The following PRKCQ variants were observed in gnomAD, a reference collection of about 807,000 sequenced individuals.
PRKCQ encodes the protein protein kinase C theta.
PRKCQ carries 41 observed loss-of-function variants against 91.2 expected under a neutral mutation model. That is an observed-to-expected ratio of 0.45 (90% CI 0.35 to 0.58). The LOEUF (loss-of-function observed/expected upper bound fraction) is 0.58. PRKCQ is among the 20% of genes least tolerant of loss of function. The pLI is 0.00. For missense variants in PRKCQ, 673 were observed against 896.5 expected, an observed-to-expected ratio of 0.75 and a Z score of 3.18; for synonymous variants, 307 against 316.9, an observed-to-expected ratio of 0.97 and a Z score of 0.33.
At chr10:6,438,960 G>A (rs1236272478) in intron 16 of PRKCQ, among the ~76,000 whole-genome samples, 31 of 152,252 alleles carry the variant, frequency 2.0e-4, no homozygotes, top group Admixed American at 2.0e-3. Context: ...TGCTGGGACA[G>A]CTCAGTATAT....
At chr10:6,443,522 G>C (rs1223876679) in intron 15 of PRKCQ, among the ~76,000 whole-genome samples, 5 of 152,198 alleles carry the variant, frequency 3.3e-5, no homozygotes, top group African/African-American at 9.7e-5. Context: ...GATGAACCTG[G>C]AAAACATGAT....
the PRKCQ span, among the ~76,000 whole-genome samples, chr10:6,401,370 A>T: frequency 6.6e-6 from 1 of 152,142 alleles, no homozygotes; most frequent in Non-Finnish European, 1.5e-5. Context: ...ATACTTCATC[A>T]TATTTTCTGT....
the PRKCQ span, among the ~76,000 whole-genome samples, chr10:6,395,265 C>T: frequency 3.3e-5 from 5 of 152,004 alleles, no homozygotes; most frequent in South Asian, 2.1e-4. Flanking sequence ...GGGTTTTCAC[C>T]GTGTTAGCCA....
chr10:6,541,104 C>A (rs1839760044), intron 1 of PRKCQ, among the ~76,000 whole-genome samples: 1 of 152,094 alleles, frequency 6.6e-6, no homozygotes, highest in Non-Finnish European at 1.5e-5. Flanking sequence ...AAATGCAGAC[C>A]ATGAATGAAC....
At chr10:6,533,512 C>A (rs11817744) in intron 1 of PRKCQ, among the ~76,000 whole-genome samples, 5,013 of 152,190 alleles carry the variant, frequency 0.033, 239 homozygotes, top group East Asian at 0.11. Flanking sequence ...TCACTCCTGA[C>A]GCTGTACATT....
intron 1 of PRKCQ, among the ~76,000 whole-genome samples, chr10:6,577,893 T>C (rs1564403734): frequency 6.6e-6 from 1 of 152,220 alleles, no homozygotes; most frequent in Non-Finnish European, 1.5e-5. Context: ...ATCCCCGAAG[T>C]TACATACTTG....
chr10:6,442,304 T>G (rs1292407927), intron 15 of PRKCQ, among the ~76,000 whole-genome samples: 1 of 152,222 alleles, frequency 6.6e-6, no homozygotes, highest in African/African-American at 2.4e-5. Context: ...TCAGTTTCAA[T>G]TTGTACTTTT....
intron 4 of PRKCQ, among the ~76,000 whole-genome samples, chr10:6,503,090 T>C (rs1838006675): frequency 6.6e-6 from 1 of 152,178 alleles, no homozygotes; most frequent in East Asian, 1.9e-4. Context: ...AGACTATCCA[T>C]GGCAAAGGGG....
intron 13 of PRKCQ, among the ~76,000 whole-genome samples, 189 bp downstream of exon 13, chr10:6,464,124 G>A (rs1460605433): frequency 6.6e-6 from 1 of 152,172 alleles, no homozygotes; most frequent in Admixed American, 6.5e-5. Flanking sequence ...TTAAATCACA[G>A]AGAAATGAAA....
At chr10:6,485,907 G>T in intron 9 of PRKCQ, 128 bp downstream of exon 9, 1 of 737,490 alleles carries the variant, frequency 1.4e-6, no homozygotes, top group Non-Finnish European at 2.3e-6. Flanking sequence ...AAAGCCAAGG[G>T]CAAGGCCGGT....
intron 12 of PRKCQ, among the ~76,000 whole-genome samples, chr10:6,468,638 C>T (rs1290605728): frequency 2.0e-5 from 3 of 152,010 alleles, no homozygotes; most frequent in Non-Finnish European, 2.9e-5. Context: ...TCATTTTTTT[C>T]GAGGTATCTT....
At chr10:6,468,355 G>A (rs576850464) in intron 12 of PRKCQ, among the ~76,000 whole-genome samples, 1 of 152,206 alleles carries the variant, frequency 6.6e-6, no homozygotes, top group Non-Finnish European at 1.5e-5. Context: ...TGAGAATAAA[G>A]AGAATGGAAA....
At chr10:6,474,407 C>G (rs756306482) in intron 12 of PRKCQ, among the ~76,000 whole-genome samples, 1 of 152,140 alleles carries the variant, frequency 6.6e-6, no homozygotes, top group Non-Finnish European at 1.5e-5. Flanking sequence ...TACAGATCGG[C>G]CTTTCAGAAT....
intron 1 of PRKCQ, among the ~76,000 whole-genome samples, chr10:6,575,679 C>G (rs1054389910): frequency 6.6e-6 from 1 of 152,206 alleles, no homozygotes; most frequent in Non-Finnish European, 1.5e-5. Context: ...TGCCATTGGG[C>G]ATTCAATGAT....
At chr10:6,571,171 T>G (rs1841032028) in intron 1 of PRKCQ, among the ~76,000 whole-genome samples, 1 of 151,770 alleles carries the variant, frequency 6.6e-6, no homozygotes, top group Non-Finnish European at 1.5e-5. Context: ...AGCGGCGTGT[T>G]TTCCGGGAGA....
At chr10:6,457,365 A>G (rs1835065717) in intron 14 of PRKCQ, among the ~76,000 whole-genome samples, 1 of 152,210 alleles carries the variant, frequency 6.6e-6, no homozygotes, top group African/African-American at 2.4e-5. Context: ...TTTTTTAAAA[A>G]ACAATTAACC....
At position 6,523,989 on chromosome 10, in the gene PRKCQ, C is replaced by T. The variant is rs117397250; in HGVS notation, c.-9-8845G>A. 1.4e-3 allele frequency among the ~76,000 whole-genome samples: 218 copies of T among 152,138 alleles called. 1 individual carries two copies. The highest frequency in any genetic ancestry group is 2.6e-3 in the Non-Finnish European group (177 of 68,010). On this transcript the variant is annotated intron_variant, in intron 1 of 17. Coordinates refer to ENST00000263125, the MANE Select transcript of PRKCQ (RefSeq NM_006257.5). ...CTCCTTCACACAGCACGACTCTCAG[C>T]GGAGTCCCAGCCTGCCTGGACTTCT...
At chr10:6,403,703 A>G in the PRKCQ span, among the ~76,000 whole-genome samples, 2 of 152,166 alleles carry the variant, frequency 1.3e-5, no homozygotes, top group African/African-American at 4.8e-5. Flanking sequence ...ATGTATTGCA[A>G]TCCAGTGTTT....
intron 14 of PRKCQ, among the ~76,000 whole-genome samples, chr10:6,458,430 CA>C (rs1228975673): frequency 6.6e-6 from 1 of 152,094 alleles, no homozygotes; most frequent in African/African-American, 2.4e-5. Context: ...CATCAGGACC[CA>C]GGGGAGAACT....
Sources: allele counts gnomAD v4.1 joint callset (sites outside exome capture counted in the v4.1 genomes callset), GRCh38; gene constraint gnomAD v4.1.1; transcripts MANE v1.5; gene names NCBI Gene and HGNC (gene_info 2026-07-23, HGNC 2026-07-21).